Variants in EEPD1 observed in about 807,000 individuals in gnomAD.
EEPD1 encodes endonuclease/exonuclease/phosphatase family domain containing 1.
EEPD1 carries 17 observed loss-of-function variants against 46.3 expected under a neutral mutation model. That is an observed-to-expected ratio of 0.37 (90% CI 0.25 to 0.55). The LOEUF is 0.55. EEPD1 is among the 20% of genes least tolerant of loss of function. EEPD1 has a pLI of 0.83. For synonymous variants in EEPD1, 313 were observed against 315.6 expected, an observed-to-expected ratio of 0.99 and a Z score of 0.09; for missense variants, 673 against 745.6, an observed-to-expected ratio of 0.90 and a Z score of 1.13.
intron 3 of EEPD1, among the ~76,000 whole-genome samples, chr7:36,250,072 G>A (rs1232387504): frequency 6.6e-6 from 1 of 151,946 alleles, no homozygotes; most frequent in African/African-American, 2.4e-5. Context: ...GTTTTTAAAA[G>A]TTAGCTGAGC....
At chr7:36,286,674 A>C (rs891489742) in intron 5 of EEPD1, among the ~76,000 whole-genome samples, 2 of 152,222 alleles carry the variant, frequency 1.3e-5, no homozygotes, top group African/African-American at 2.4e-5. Flanking sequence ...GCATCTGGCT[A>C]TAGTGGGCTC....
chr7:36,244,556 A>G (rs1167597218), intron 3 of EEPD1, among the ~76,000 whole-genome samples: 1 of 152,044 alleles, frequency 6.6e-6, no homozygotes, highest in Non-Finnish European at 1.5e-5. Flanking sequence ...AGACGTGCCA[A>G]GGTTTTCCTG....
intron 2 of EEPD1, among the ~76,000 whole-genome samples, chr7:36,234,987 A>C (rs1786407115): frequency 8.6e-6 from 1 of 116,702 alleles, no homozygotes; most frequent in Non-Finnish European, 1.8e-5. Context: ...GGCCTCCCCC[A>C]CAGCCTCCAG....
At position 36,192,605 on chromosome 7, in the gene EEPD1, C is replaced by G. The variant is rs368720120; in HGVS notation, c.878+37403C>G. ...TGTTACAAAGTGAGCCAACCTGTAA[C>G]TCAAGTCGCAGAAATTTACCCGGCG... On this transcript the variant is annotated intron_variant, in intron 2 of 7. Coordinates refer to ENST00000242108, the MANE Select transcript of EEPD1 (RefSeq NM_030636.3). Among the ~76,000 whole-genome samples, 8 of 152,274 alleles carry G rather than the reference C, an allele frequency of 5.3e-5. No homozygotes were observed. In the South Asian group the frequency reaches 1.2e-3, roughly 24 times the overall value.
intron 4 of EEPD1, among the ~76,000 whole-genome samples, chr7:36,282,606 T>C (rs1480705143): frequency 6.6e-6 from 1 of 152,250 alleles, no homozygotes; most frequent in Non-Finnish European, 1.5e-5. Context: ...CCTTCATCTG[T>C]AAAATGGGAG....
At chr7:36,219,796 AGAGAGAGAGAGT>A (rs1311448479) in intron 2 of EEPD1, among the ~76,000 whole-genome samples, 16 of 80,130 alleles carry the variant, frequency 2.0e-4, no homozygotes, top group African/African-American at 5.6e-4. Context: ...AGAGAGAGAG[AGAGAGAGAGAGT>A]GTGTGTGTGT....
At chr7:36,185,409 C>T (rs1445151444) in intron 2 of EEPD1, among the ~76,000 whole-genome samples, 12 of 152,126 alleles carry the variant, frequency 7.9e-5, no homozygotes, top group South Asian at 2.1e-4. Context: ...GGTGGAGGGA[C>T]GCTTAGATTT....
intron 2 of EEPD1, among the ~76,000 whole-genome samples, chr7:36,220,893 G>A (rs1218582063): frequency 6.6e-6 from 1 of 152,128 alleles, no homozygotes; most frequent in Non-Finnish European, 1.5e-5. Context: ...TCCACCTCCT[G>A]GGTTCAAGTG....
chr7:36,284,649 C>G (rs1410260729), intron 4 of EEPD1, 37 bp from the exon 5 acceptor site: 3 of 1,597,900 alleles, frequency 1.9e-6, no homozygotes, highest in African/African-American at 1.4e-5. Flanking sequence ...GGCGCTAGGG[C>G]TCTGGCACCA....
At chr7:36,274,384 A>C (rs986889418) in intron 3 of EEPD1, among the ~76,000 whole-genome samples, 8 of 152,254 alleles carry the variant, frequency 5.3e-5, no homozygotes, top group Non-Finnish European at 1.2e-4. Flanking sequence ...CCTGTAGGCC[A>C]TGTGGCCTTT....
chr7:36,153,454 G>A lies in EEPD1; in HGVS notation c.-413G>A, dbSNP rs552863426. The A allele has an allele frequency of 1.3e-5, 2 of 152,326 alleles. No homozygotes were observed. Among genetic ancestry groups the A allele is most frequent in the Admixed American group, 6.5e-5 (1 of 15,300 alleles). 9.4% of individuals were successfully genotyped at this position (152,326 alleles called of 1,614,324 possible). On this transcript the variant is annotated 5_prime_UTR_variant, in exon 1 of 8. Coordinates refer to ENST00000242108, the MANE Select transcript of EEPD1 (RefSeq NM_030636.3). ...TGCCGCCGCCTCCGAGCAGCCCTGC[G>A]GCTTCTATTCACTCTGGGAGAGCGA... is the stretch of plus-strand genomic sequence containing the variant.
chr7:36,248,514 CTTTTTTTT>C (rs35722763), intron 3 of EEPD1, among the ~76,000 whole-genome samples: 1 of 126,788 alleles, frequency 7.9e-6, no homozygotes, highest in African/African-American at 3.0e-5. Context: ...GCCAGATACT[CTTTTTTTT>C]TTTTTTTTTT....
intron 6 of EEPD1, among the ~76,000 whole-genome samples, chr7:36,294,785 CA>C (rs1343382727): frequency 6.6e-6 from 1 of 152,098 alleles, no homozygotes; most frequent in Non-Finnish European, 1.5e-5. Context: ...ATACCCTGTA[CA>C]AATAATAGAC....
intron 3 of EEPD1, among the ~76,000 whole-genome samples, chr7:36,280,787 CT>C (rs1787249038): frequency 6.6e-6 from 1 of 152,166 alleles, no homozygotes; most frequent in South Asian, 2.1e-4. Context: ...CAATCCGCTG[CT>C]TTTACAAGGA....
chr7:36,217,746 G>C (rs1206942933), intron 2 of EEPD1, among the ~76,000 whole-genome samples: 1 of 152,192 alleles, frequency 6.6e-6, no homozygotes, highest in East Asian at 1.9e-4. Flanking sequence ...TTGTGTTACA[G>C]GGAGAGAGGG....
intron 3 of EEPD1, among the ~76,000 whole-genome samples, chr7:36,275,308 A>T (rs1406165489): frequency 2.6e-5 from 4 of 152,176 alleles, no homozygotes; most frequent in East Asian, 3.8e-4. Flanking sequence ...TTAGCAACAC[A>T]TCTTTATAAA....
Position 36,297,099 on chromosome 7 carries a change from C to T in EEPD1, c.1422C>T (p.Thr474=). The change falls in exon 7 of 8, where the codon ACC becomes ACT. Residue 474 remains threonine, a synonymous_variant. Coordinates refer to ENST00000242108, the MANE Select transcript of EEPD1 (RefSeq NM_030636.3). ...EKFHHLIPAH[T]FTNISTKNPQ... ...TCCACCACCTGATCCCCGCGCACACCTTCACCAACATCAGCACCAAGAACC... is the reference window on the plus strand; with the variant it reads ...TCCACCACCTGATCCCCGCGCACACTTTCACCAACATCAGCACCAAGAACC... The T allele has an allele frequency of 9.9e-6, 16 of 1,614,234 alleles. No individual in the cohort carries two copies. Among genetic ancestry groups the T allele is most frequent in the Non-Finnish European group, 1.4e-5 (16 of 1,180,054 alleles).
chr7:36,293,793 A>G (rs1359279491), intron 6 of EEPD1, among the ~76,000 whole-genome samples: 2 of 152,062 alleles, frequency 1.3e-5, no homozygotes, highest in African/African-American at 2.4e-5. Flanking sequence ...GTGAAACCCC[A>G]TCTCTACTAA....
At chr7:36,189,154 G>A (rs80232599) in intron 2 of EEPD1, among the ~76,000 whole-genome samples, 4,173 of 150,682 alleles carry the variant, frequency 0.028, 68 homozygotes, top group Non-Finnish European at 0.044. Context: ...TGGCCCCCAC[G>A]GGACACAAAA....
Sources: gnomAD v4.1 joint callset for allele counts (sites outside exome capture counted in the v4.1 genomes callset) on GRCh38, gnomAD v4.1.1 for gene constraint, MANE v1.5 for transcripts, NCBI Gene and HGNC (gene_info 2026-07-23, HGNC 2026-07-21) for gene names.